The following ACTN4 variants were observed in gnomAD, a reference collection of about 807,000 sequenced individuals.
ACTN4 encodes alpha-actinin-4.
A neutral mutation model predicts 114.2 loss-of-function variants in ACTN4; 18 were observed. The ratio of observed to expected loss-of-function variants is 0.16; its 90% CI spans 0.11 to 0.23. The LOEUF is 0.23. ACTN4 is among the 10% of genes least tolerant of loss of function. The pLI, the probability that ACTN4 is intolerant of heterozygous loss-of-function variation, is 1.00. For missense variants in ACTN4, 722 were observed against 1,262.9 expected (o/e 0.57, Z 6.49); for synonymous variants, 515 against 506.3 (o/e 1.02, Z -0.23).
chr19:38,711,357 A>G (rs1323867715), intron 8 of ACTN4: 1 of 1,037,748 alleles, frequency 9.6e-7, no homozygotes. Flanking sequence ...TCGGGGGCTC[A>G]GAAGGTGAGC....
rs1051699127 is a variant in ACTN4, at chr19:38,729,596, C to CTA, written c.*165_*166insAT. 17 of 1,049,076 alleles carry CTA rather than the reference C, an allele frequency of 1.6e-5. No homozygotes were observed. The highest frequency in any genetic ancestry group is 6.0e-5 in the Admixed American group (3 of 50,134). The allele number at this position is 1,049,076 out of a possible 1,614,324, so 65.0% of individuals were successfully genotyped here. On this transcript the variant is annotated 3_prime_UTR_variant, in exon 21 of 21. Transcript: ENST00000252699. ...CTGGGGCAGGCTCTCTCCTCTCTCT[C>CTA]TTTGTGGGTTGGCCAGGAGGTTCCC...
chr19:38,704,821 G>A, intron 3 of ACTN4, 113 bp from the exon 4 acceptor site: 1 of 871,136 alleles, frequency 1.1e-6, no homozygotes, highest in South Asian at 1.4e-5. Context: ...CAACCAGGGG[G>A]TGGTTTGGAG....
In ACTN4 at chr19:38,653,306, C is replaced by A. The variant is rs1472415284; in HGVS notation, c.162+5399C>A. Among the ~76,000 whole-genome samples the A allele has an allele frequency of 2.6e-5, 4 of 151,882 alleles. No individual in the cohort carries two copies. The East Asian group carries it at 5.8e-4, about 22-fold the overall frequency. On this transcript the variant is annotated intron_variant, in intron 1 of 20. Coordinates refer to ENST00000252699, the MANE Select transcript of ACTN4 (RefSeq NM_004924.6). ...CAAAAAAGAATTGATTTGGGAAGGC[C>A]CAAGGAATTTGAAACCGTTGAGATG...
intron 1 of ACTN4, among the ~76,000 whole-genome samples, chr19:38,654,561 CAA>C (rs35967763): frequency 3.2e-4 from 31 of 96,292 alleles, no homozygotes; most frequent in South Asian, 5.8e-4. Context: ...GGCTCCGTCT[CAA>C]AAAAAAAAAA....
In ACTN4 at chr19:38,673,491, ATATATT is replaced by A. The variant is rs1342982056; in HGVS notation, c.162+25590_162+25595del. Among the ~76,000 whole-genome samples the A allele has an allele frequency of 4.0e-3, 439 of 108,670 alleles. 11 individuals carry two copies. The highest frequency in any genetic ancestry group is 6.7e-3 in the Non-Finnish European group (363 of 53,912). The allele number at this position is 108,670 out of a possible 152,430, so 71.3% of individuals were successfully genotyped here. ...TATATATATTTATATATATATTCAT[ATATATT>A]TATATATATGAATATATATTTATAT... On this transcript the variant is annotated intron_variant, in intron 1 of 20. Transcript: ENST00000252699.
At position 38,723,700 on chromosome 19, in the gene ACTN4, A is replaced by G. The variant is rs1215605858; in HGVS notation, c.1529A>G (p.His510Arg). Residue 510 changes from histidine (H) to arginine (R), a missense_variant, in exon 13 of 21, where the codon CAT becomes CGT. By Grantham distance (29) the His-to-Arg change is conservative. This residue lies in a region of ACTN4 where 523 missense variants were observed against 875.9 expected (regional missense o/e 0.60). Transcript: ENST00000252699. The stretch of plus-strand genomic sequence containing the variant: ...TGGGACGCCCTCGGCTCTCTGACAC[A>G]TAGTCGCAGGGAAGCCCTGGAGGTG... ...DQWDALGSLTHSRREALEKTE... is the reference protein window; with the variant it reads ...DQWDALGSLTRSRREALEKTE... 2 of 1,612,028 alleles carry G rather than the reference A, an allele frequency of 1.2e-6. No homozygotes were observed. Among genetic ancestry groups the G allele is most frequent in the African/African-American group, 2.7e-5 (2 of 74,872 alleles).
chr19:38,689,210 A>G (rs1967842871), intron 1 of ACTN4, among the ~76,000 whole-genome samples: 1 of 152,220 alleles, frequency 6.6e-6, no homozygotes, highest in Admixed American at 6.5e-5. Flanking sequence ...GATAAATAAA[A>G]TGTGGTATAT....
rs759997563 is a variant in ACTN4 at position 38,731,199 on chromosome 19, G to A, written c.*1767G>A. 3.7e-6 allele frequency: 6 copies of A among 1,612,702 alleles called. No homozygotes were observed. The East Asian group carries it at 1.3e-4, about 36-fold the overall frequency. On this transcript the variant is annotated 3_prime_UTR_variant, in exon 21 of 21. Transcript: ENST00000252699. ...CCGGTAGCGGCTGGTGAGGGTCTGGGTCAGCTGGTTGTTCAGGTGGAAGCC... is the reference window on the plus strand; with the variant it reads ...CCGGTAGCGGCTGGTGAGGGTCTGGATCAGCTGGTTGTTCAGGTGGAAGCC...
At chr19:38,707,652 G>A (rs571076382) in intron 5 of ACTN4, among the ~76,000 whole-genome samples, 6 of 152,256 alleles carry the variant, frequency 3.9e-5, no homozygotes, top group Non-Finnish European at 5.9e-5. Context: ...AGTCAGGTCC[G>A]CCAGGGTGTG....
chr19:38,713,510 T>TG, intron 8 of ACTN4, among the ~76,000 whole-genome samples: 1 of 152,296 alleles, frequency 6.6e-6, no homozygotes, highest in Admixed American at 6.5e-5. Context: ...GAGCACCGCC[T>TG]GGGGCCCTGG....
chr19:38,709,753 C>G (rs112106559), intron 7 of ACTN4, among the ~76,000 whole-genome samples: 2 of 152,312 alleles, frequency 1.3e-5, no homozygotes, highest in African/African-American at 4.8e-5. Context: ...CCTGAGGGTG[C>G]ATCTCCTCAG....
chr19:38,724,360 G>C lies in ACTN4; in HGVS notation c.1875+21G>C. 6.2e-7 allele frequency: 1 copy of C among 1,612,916 alleles called. No individual in the cohort carries two copies. The highest frequency in any genetic ancestry group is 8.5e-7 in the Non-Finnish European group (1 of 1,179,804). ...AGAAGGTGGGCCGGGGCCATCCGTA[G>C]GGGCTGGGGCAGGACGGCGGGGCTG... is the stretch of plus-strand genomic sequence containing the variant. On this transcript the variant is annotated intron_variant, in intron 15 of 20. Transcript: ENST00000252699. The surrounding 1 kb of genome is among the most constrained non-coding windows in gnomAD (Gnocchi z 7.0).
chr19:38,716,635 C>T (rs1968850380), intron 9 of ACTN4, among the ~76,000 whole-genome samples: 1 of 152,214 alleles, frequency 6.6e-6, no homozygotes, highest in South Asian at 2.1e-4. Flanking sequence ...AGCTCAAGAC[C>T]AGCCTGGGCA....
In ACTN4 at chr19:38,731,063, G is replaced by C. The variant is rs368347215; in HGVS notation, c.*1631G>C. On this transcript the variant is annotated 3_prime_UTR_variant, in exon 21 of 21. Transcript: ENST00000252699. The stretch of plus-strand genomic sequence containing the variant: ...GCAGGGTGAGTGCCCACCAGTCCCC[G>C]TACCCCTTCCCCCCATGCCCCACCA... 6.4e-7 allele frequency: 1 copy of C among 1,555,642 alleles called. No individual in the cohort carries two copies. Among genetic ancestry groups the C allele is most frequent in the Non-Finnish European group, 8.7e-7 (1 of 1,147,956 alleles).
chr19:38,711,141 C>T (rs2279144), intron 8 of ACTN4: 96,747 of 228,510 alleles, frequency 0.42, 21,714 homozygotes, highest in Non-Finnish European at 0.48. Flanking sequence ...GGCATGTCCA[C>T]GCAGGCCTGG....
chr19:38,712,752 C>G (rs1968700092), intron 8 of ACTN4, among the ~76,000 whole-genome samples: 1 of 152,164 alleles, frequency 6.6e-6, no homozygotes, highest in Non-Finnish European at 1.5e-5. Context: ...TGGACTCACC[C>G]CTACGGGCCC....
chr19:38,654,975 C>T (rs1410638106), intron 1 of ACTN4, among the ~76,000 whole-genome samples: 2 of 152,128 alleles, frequency 1.3e-5, no homozygotes, highest in Non-Finnish European at 2.9e-5. Context: ...TGTGCTGGCT[C>T]CTTCCTTCCT....
chr19:38,681,916 C>T (rs909996788), intron 1 of ACTN4, among the ~76,000 whole-genome samples: 8 of 152,132 alleles, frequency 5.3e-5, no homozygotes, highest in Non-Finnish European at 1.0e-4. Context: ...CTGCAGCCTC[C>T]GCCTCCTGGG....
chr19:38,713,637 C>A (rs1477243519), intron 8 of ACTN4, among the ~76,000 whole-genome samples: 1 of 152,206 alleles, frequency 6.6e-6, no homozygotes, highest in East Asian at 1.9e-4. Flanking sequence ...AGAGGCTGGG[C>A]GTCGCTGCCT....
Sources: allele counts gnomAD v4.1 joint callset (sites outside exome capture counted in the v4.1 genomes callset), GRCh38; gene constraint gnomAD v4.1.1; regional missense constraint gnomAD v4.1.1; non-coding constraint Gnocchi (gnomAD v3.1); transcripts MANE v1.5; gene names NCBI Gene and HGNC (gene_info 2026-07-23, HGNC 2026-07-21).